The following C10orf71 variants were observed in gnomAD, a reference collection of about 807,000 sequenced individuals.
The protein encoded by C10orf71 is cardiac-enriched FHL2-interacting protein.
For missense variants in C10orf71, 1,869 were observed against 1,804.5 expected (o/e 1.04, Z -0.65); for synonymous variants, 758 against 726.3 (o/e 1.04, Z -0.70).
At chr10:49,321,774 G>T (rs1445245190) in intron 2 of C10orf71, among the ~76,000 whole-genome samples, 3 of 152,112 alleles carry the variant, frequency 2.0e-5, no homozygotes, top group Non-Finnish European at 4.4e-5. Context: ...TGTCATTGTG[G>T]CTTTGATCTG....
Position 49,324,426 on chromosome 10 carries a change from T to G in C10orf71, c.1881T>G (p.Pro627=), listed in dbSNP as rs754910995. The G allele has an allele frequency of 1.9e-6, 3 of 1,610,422 alleles. No individual in the cohort carries two copies. Among genetic ancestry groups the G allele is most frequent in the Non-Finnish European group, 2.5e-6 (3 of 1,178,120 alleles). The part of the protein sequence containing the change: ...KEVEGELEMG[P]AGSSWCPDSR... ...TGGAAGGAGAGTTGGAGATGGGTCC[T>G]GCCGGATCCAGCTGGTGTCCAGACT... is the stretch of plus-strand genomic sequence containing the variant. Residue 627 remains proline (P), a synonymous_variant, in exon 3 of 3, where the codon CCT becomes CCG. Transcript: ENST00000374144.
intron 2 of C10orf71, among the ~76,000 whole-genome samples, chr10:49,319,269 G>T (rs1418914072): frequency 6.6e-6 from 1 of 151,998 alleles, no homozygotes; most frequent in Non-Finnish European, 1.5e-5. Flanking sequence ...CCAGAAGGAA[G>T]CAGCATCCTC....
intron 1 of C10orf71, among the ~76,000 whole-genome samples, chr10:49,302,629 T>C (rs1490571952): frequency 6.6e-6 from 1 of 152,228 alleles, no homozygotes; most frequent in African/African-American, 2.4e-5. Flanking sequence ...GAGGGGCTTG[T>C]GATCTGAATG....
chr10:49,299,260 G>A (rs548460115), intron 1 of C10orf71, 27 bp downstream of exon 1: 3 of 152,322 alleles, frequency 2.0e-5, no homozygotes, highest in Admixed American at 2.0e-4. Flanking sequence ...TCCCGTGTCT[G>A]GCCGGCTTCT....
intron 2 of C10orf71, among the ~76,000 whole-genome samples, chr10:49,322,174 A>G (rs1849104464): frequency 6.6e-6 from 1 of 152,218 alleles, no homozygotes; most frequent in Non-Finnish European, 1.5e-5. Context: ...CCTGCCTTAT[A>G]GAAGATAAAC....
At chr10:49,312,538 C>G (rs961766493) in intron 1 of C10orf71, among the ~76,000 whole-genome samples, 3 of 152,236 alleles carry the variant, frequency 2.0e-5, no homozygotes, top group Non-Finnish European at 2.9e-5. Context: ...GTAATGTACT[C>G]AACAAAAGTT....
Position 49,322,702 on chromosome 10 carries a change from C to T in C10orf71, c.157C>T (p.Leu53=). The stretch of plus-strand genomic sequence containing the variant: ...GGACACATCCTTCCATGACTCCTAT[C>T]TGGCTGTGTCCCCGGATATCACCCG... The part of the protein sequence containing the change: ...SEDTSFHDSY[L]AVSPDITRQV... The change falls in exon 3 of 3, where the codon CTG becomes TTG. Residue 53 remains leucine (L), a synonymous_variant. Coordinates refer to ENST00000374144, the MANE Select transcript of C10orf71 (RefSeq NM_001135196.2). The T allele has an allele frequency of 6.2e-7, 1 of 1,613,996 alleles. No individual in the cohort carries two copies. The highest frequency in any genetic ancestry group is 1.3e-5 in the African/African-American group (1 of 75,074).
At position 49,323,846 on chromosome 10, in the gene C10orf71, A is replaced by T. The variant is rs371852285; in HGVS notation, c.1301A>T (p.Asn434Ile). 1.4e-5 allele frequency: 22 copies of T among 1,613,788 alleles called. No homozygotes were observed. Among genetic ancestry groups the T allele is most frequent in the African/African-American group, 2.7e-5 (2 of 74,884 alleles). Residue 434 changes from asparagine to isoleucine, a missense_variant, in exon 3 of 3, where the codon AAT becomes ATT. Transcript: ENST00000374144. ...GCTCTTGACCTGCCTGTGGAACCCA[A>T]TGAACATTATGATCCCCCCTTTAAC... ...NNALDLPVEP[N>I]EHYDPPFNIS...
Position 49,325,190 on chromosome 10 carries a change from A to T in C10orf71, c.2645A>T (p.Glu882Val). The change falls in exon 3 of 3, where the codon GAG becomes GTG. Residue 882 changes from glutamate (E) to valine (V), a missense_variant. By Grantham distance (121) the Glu-to-Val change is moderately radical. Transcript: ENST00000374144. ...CCTCTCCTGAGGACCATGTCCTTGG[A>T]GGACTCCCTCAGCAGTGGCCACAAA... ...MLPLLRTMSL[E>V]DSLSSGHKEE... 6.4e-7 allele frequency: 1 copy of T among 1,552,072 alleles called. No homozygotes were observed. Among genetic ancestry groups the T allele is most frequent in the Admixed American group, 2.0e-5 (1 of 51,010 alleles).
intron 1 of C10orf71, among the ~76,000 whole-genome samples, chr10:49,309,322 TAAG>T (rs1282340245): frequency 6.6e-6 from 1 of 152,078 alleles, no homozygotes; most frequent in Non-Finnish European, 1.5e-5. Context: ...AGTGCCCTTA[TAAG>T]AAGAGACACA....
At chr10:49,302,715 C>G (rs917935038) in intron 1 of C10orf71, among the ~76,000 whole-genome samples, 1 of 152,234 alleles carries the variant, frequency 6.6e-6, no homozygotes, top group African/African-American at 2.4e-5. Flanking sequence ...GAGGCTATCC[C>G]ATCACTAGAG....
chr10:49,325,551 C>T lies in C10orf71; in HGVS notation c.3006C>T (p.Pro1002=), dbSNP rs1849212861. Residue 1002 remains proline, a synonymous_variant, in exon 3 of 3, where the codon CCC becomes CCT. Coordinates refer to ENST00000374144, the MANE Select transcript of C10orf71 (RefSeq NM_001135196.2). ...SGKLAAPWHI[P]TIALPEGDIE... ...AGCTGGCAGCCCCATGGCACATCCC[C>T]ACCATTGCTTTACCCGAGGGTGACA... 6.4e-7 allele frequency: 1 copy of T among 1,550,638 alleles called. No individual in the cohort carries two copies. The highest frequency in any genetic ancestry group is 1.2e-5 in the South Asian group (1 of 84,010).
In C10orf71 at chr10:49,325,138, AC is replaced by A; in HGVS notation, c.2598del (p.Val867Ter). The A allele has an allele frequency of 3.9e-6, 6 of 1,551,932 alleles. No homozygotes were observed. The highest frequency in any genetic ancestry group is 5.2e-6 in the Non-Finnish European group (6 of 1,147,064). On this transcript the variant is annotated frameshift_variant, in exon 3 of 3. Coordinates refer to ENST00000374144, the MANE Select transcript of C10orf71 (RefSeq NM_001135196.2). LOFTEE classifies it low-confidence loss of function (END_TRUNC). Reference protein sequence around the residue: ...FTIKDNTLRATPVIKPIMLPL... With the variant: ...FTIKDNTLRAXPVIKPIMLPL... Reference sequence around the variant, plus strand: ...GATTAAAGACAACACCCTCAGAGCTACCCCCGTAATTAAACCTATCATGCTG... The same window carrying A: ...GATTAAAGACAACACCCTCAGAGCTACCCCGTAATTAAACCTATCATGCTG...
In C10orf71 at chr10:49,304,709, C is replaced by A. The variant is rs556213289; in HGVS notation, c.-248+5476C>A. On this transcript the variant is annotated intron_variant, in intron 1 of 2. Transcript: ENST00000374144. ...CTCCGGGGCTGCTTTCAGGGGGTTC[C>A]CCTCCCCTTAGTGCCTGGCTCCCTT... Among the ~76,000 whole-genome samples the A allele has an allele frequency of 1.8e-4, 27 of 152,330 alleles. No individual in the cohort carries two copies. In the East Asian group the frequency reaches 5.2e-3, roughly 29 times the overall value.
At chr10:49,297,841 G>A (rs375073248), upstream of C10orf71, among the ~76,000 whole-genome samples, 12 of 152,320 alleles carry the variant, frequency 7.9e-5, no homozygotes, top group African/African-American at 2.4e-4. Context: ...TAGGGAGGTG[G>A]GTGGGTAAAA....
chr10:49,304,091 G>T (rs1234174214), intron 1 of C10orf71, among the ~76,000 whole-genome samples: 1 of 152,244 alleles, frequency 6.6e-6, no homozygotes, highest in Non-Finnish European at 1.5e-5. Flanking sequence ...CTCTGCAGGA[G>T]AGCCAGGTCC....
At chr10:49,318,662 C>A (rs1176454544) in intron 2 of C10orf71, among the ~76,000 whole-genome samples, 1 of 152,156 alleles carries the variant, frequency 6.6e-6, no homozygotes, top group Admixed American at 6.5e-5. Flanking sequence ...AACAACAGAC[C>A]CCAATGAAGC....
At chr10:49,316,964 G>A (rs1466900750) in intron 2 of C10orf71, among the ~76,000 whole-genome samples, 3 of 152,182 alleles carry the variant, frequency 2.0e-5, no homozygotes, top group Non-Finnish European at 2.9e-5. Flanking sequence ...CTACTAATAC[G>A]AGGGTGTGTT....
At chr10:49,303,543 GCACTGTT>G (rs1458521409) in intron 1 of C10orf71, among the ~76,000 whole-genome samples, 1 of 152,210 alleles carries the variant, frequency 6.6e-6, no homozygotes, top group Non-Finnish European at 1.5e-5. Flanking sequence ...GCGGGATCAA[GCACTGTT>G]AAGCCAGCCC....
Sources: gnomAD v4.1 joint callset for allele counts (sites outside exome capture counted in the v4.1 genomes callset) on GRCh38, gnomAD v4.1.1 for gene constraint, MANE v1.5 for transcripts, NCBI Gene and HGNC (gene_info 2026-07-23, HGNC 2026-07-21) for gene names.